The following USP5 variants were observed in gnomAD, a reference collection of about 807,000 sequenced individuals.
USP5 encodes the protein ubiquitin carboxyl-terminal hydrolase 5.
Under a neutral mutation model 102.5 loss-of-function variants are expected in USP5, and 24 were observed. The observed-to-expected ratio is 0.23, with a 90% CI of 0.17 to 0.33. The LOEUF is 0.33. Among genes scored for constraint, USP5 ranks in the 10% least tolerant of loss-of-function variants. The probability of loss-of-function intolerance (pLI) is 1.00; values close to 1 mark genes in which losing one functional copy is unlikely to be tolerated. For missense variants in USP5, 753 were observed against 1,122.1 expected, an observed-to-expected ratio of 0.67 and a Z score of 4.70; for synonymous variants, 460 against 434.8, an observed-to-expected ratio of 1.06 and a Z score of -0.72.
chr12:6,854,619 A>G (rs1407823093), intron 1 of USP5, among the ~76,000 whole-genome samples: 1 of 151,070 alleles, frequency 6.6e-6, no homozygotes. Context: ...AAATCTAGGC[A>G]TGGTGGCATG....
intron 9 of USP5, 112 bp downstream of exon 9, chr12:6,859,653 T>C: frequency 9.3e-7 from 1 of 1,069,614 alleles, no homozygotes; most frequent in Admixed American, 1.9e-5. Context: ...TTTTTTTGTT[T>C]TGTTTTGTTT....
Position 6,861,568 on chromosome 12 carries a change from G to T in USP5, c.1624G>T (p.Val542Phe). The change falls in exon 13 of 20, where the codon GTC (valine) becomes TTC (phenylalanine). Residue 542 changes from valine to phenylalanine, a missense_variant. Physicochemically the swap from Val to Phe is conservative, Grantham distance 50 (BLOSUM62 -1). Around this residue, in one of 3 missense-constraint regions of USP5, gnomAD observed 527 missense variants for 816.5 expected, o/e 0.65. Coordinates refer to ENST00000229268, the MANE Select transcript of USP5 (RefSeq NM_001098536.2). This position sits in a 1 kb window ranked among gnomAD's most constrained non-coding sequence, Gnocchi z 4.9. Reference protein sequence around the residue: ...CLEAYGAPEQVDDFWSTALQA... With the variant: ...CLEAYGAPEQFDDFWSTALQA... ...GGAGGCCTACGGGGCCCCTGAGCAG[G>T]TCGATGACTTCTGGAGCACGGCCCT... is the stretch of plus-strand genomic sequence containing the variant. The T allele has an allele frequency of 1.3e-6, 2 of 1,597,082 alleles. No homozygotes were observed. Among genetic ancestry groups the T allele is most frequent in the Non-Finnish European group, 1.7e-6 (2 of 1,167,382 alleles).
rs782097739 is a variant in USP5, at chr12:6,856,163, C to A, written c.438+13C>A. 3.1e-6 allele frequency: 5 copies of A among 1,613,760 alleles called. No homozygotes were observed. Among genetic ancestry groups the A allele is most frequent in the Admixed American group, 1.7e-5 (1 of 59,982 alleles). ...TGTCAGAGATCGGGTATGACTGCCC[C>A]CTATGCTACCCAAGATTCTAGAGCA... On this transcript the variant is annotated intron_variant, in intron 4 of 19. Coordinates refer to ENST00000229268, the MANE Select transcript of USP5 (RefSeq NM_001098536.2). This position sits in a 1 kb window ranked among gnomAD's most constrained non-coding sequence, Gnocchi z 5.6.
At chr12:6,862,246 T>C (rs1944299853) in intron 13 of USP5, among the ~76,000 whole-genome samples, 1 of 152,122 alleles carries the variant, frequency 6.6e-6, no homozygotes, top group African/African-American at 2.4e-5. Context: ...ATGCCTGGGC[T>C]TTTTTCTTTT....
chr12:6,856,906 C>T lies in USP5; in HGVS notation c.769+15C>T, dbSNP rs188377905. ...TGATGGAGCTGGTACAGCCTCCCCT[C>T]CTCCAGCCACTCTCATGCTTAAATA... On this transcript the variant is annotated intron_variant, in intron 6 of 19. Transcript: ENST00000229268. This position sits in a 1 kb window ranked among gnomAD's most constrained non-coding sequence, Gnocchi z 5.6. The T allele has an allele frequency of 3.3e-4, 532 of 1,609,854 alleles. 3 individuals carry two copies. Among genetic ancestry groups the T allele is most frequent in the Middle Eastern group, 1.8e-3 (11 of 6,044 alleles).
In USP5 at chr12:6,861,312, A is replaced by G; in HGVS notation, c.1499-131A>G. On this transcript the variant is annotated intron_variant, in intron 12 of 19. Transcript: ENST00000229268. The surrounding 1 kb of genome is among the most constrained non-coding windows in gnomAD (Gnocchi z 4.9). Reference sequence around the variant, plus strand: ...AGCTGCATGGAAACAGGCGAGATATATTGGACATGTGTCAGGGGTGCTTTG... The same window carrying G: ...AGCTGCATGGAAACAGGCGAGATATGTTGGACATGTGTCAGGGGTGCTTTG... The G allele has an allele frequency of 1.5e-6, 2 of 1,297,306 alleles. No individual in the cohort carries two copies. Among genetic ancestry groups the G allele is most frequent in the Non-Finnish European group, 2.1e-6 (2 of 946,524 alleles). 80.4% of individuals were successfully genotyped at this position (1,297,306 alleles called of 1,614,324 possible).
chr12:6,859,212 G>A (rs941560486), intron 8 of USP5, among the ~76,000 whole-genome samples: 1 of 152,206 alleles, frequency 6.6e-6, no homozygotes. Flanking sequence ...CCAATAGAAC[G>A]TGAACTGCAC....
intron 19 of USP5, 130 bp from the exon 20 acceptor site, chr12:6,865,854 C>A: frequency 1.3e-6 from 1 of 764,092 alleles, no homozygotes; most frequent in Non-Finnish European, 2.2e-6. Flanking sequence ...CACATGGTGG[C>A]TGGGCTGTGG....
chr12:6,863,200 A>G lies in USP5; in HGVS notation c.1777A>G (p.Met593Val). Residue 593 changes from methionine to valine, a missense_variant, in exon 15 of 20, where the codon ATG becomes GTG. By Grantham distance (21) the Met-to-Val change is conservative. Transcript: ENST00000229268. The surrounding 1 kb of genome is among the most constrained non-coding windows in gnomAD (Gnocchi z 4.7). ...VPKKLDVSIEMPEELDISQLR... is the reference protein window; with the variant it reads ...VPKKLDVSIEVPEELDISQLR... ...TTTTCCCACAGATGTGTCCATCGAG[A>G]TGCCAGAGGAGCTCGACATCTCCCA... 6.2e-7 allele frequency: 1 copy of G among 1,612,056 alleles called. No homozygotes were observed.
At position 6,866,090 on chromosome 12, in the gene USP5, C is replaced by A. The variant is rs782816823; in HGVS notation, c.*13C>A. 5.6e-6 allele frequency: 9 copies of A among 1,613,212 alleles called. No homozygotes were observed. In the East Asian group the frequency reaches 2.0e-4, roughly 36 times the overall value. ...AGTGGCCAGCTAAGAGCCTGCCTCA[C>A]CCCTTACCAATGAGGGCAGGGGAAG... On this transcript the variant is annotated 3_prime_UTR_variant, in exon 20 of 20. Transcript: ENST00000229268. The surrounding 1 kb of genome is among the most constrained non-coding windows in gnomAD (Gnocchi z 4.7).
At chr12:6,857,586 CCTGAGCCA>C in intron 6 of USP5, 35 bp from the exon 7 acceptor site, 1 of 1,573,340 alleles carries the variant, frequency 6.4e-7, no homozygotes, top group Non-Finnish European at 8.7e-7. Context: ...CCTGGCTAGT[CCTGAGCCA>C]CTTCCCCTGA....
Position 6,861,347 on chromosome 12 carries a change from A to G in USP5, c.1499-96A>G. The G allele has an allele frequency of 7.0e-7, 1 of 1,423,804 alleles. No individual in the cohort carries two copies. The highest frequency in any genetic ancestry group is 9.5e-7 in the Non-Finnish European group (1 of 1,053,300). 88.2% of individuals were successfully genotyped at this position (1,423,804 alleles called of 1,614,324 possible). On this transcript the variant is annotated intron_variant, in intron 12 of 19. Coordinates refer to ENST00000229268, the MANE Select transcript of USP5 (RefSeq NM_001098536.2). The surrounding 1 kb of genome is among the most constrained non-coding windows in gnomAD (Gnocchi z 4.9). The stretch of plus-strand genomic sequence containing the variant: ...TGTCAGGGGTGCTTTGGAAGGGTAG[A>G]GGAACTGAAATACGGACACAGAGCC...
chr12:6,854,591 TAAA>T (rs782820849), intron 1 of USP5, among the ~76,000 whole-genome samples: 6 of 118,438 alleles, frequency 5.1e-5, no homozygotes, highest in Admixed American at 8.7e-5. Context: ...ACCCCACCTC[TAAA>T]AAAAAAAAAA....
In USP5 at chr12:6,857,470, A is replaced by G. The variant is rs868937950; in HGVS notation, c.770-159A>G. 124 of 595,500 alleles carry G rather than the reference A, an allele frequency of 2.1e-4. No homozygotes were observed. In the Middle Eastern group the frequency reaches 3.2e-3, roughly 15 times the overall value. 36.9% of individuals were successfully genotyped at this position (595,500 alleles called of 1,614,324 possible). A position where few individuals can be genotyped will look rare whatever the true frequency, so the allele number is the denominator to read the frequency against. ...CCTGACCGTCAGCCCCAGAAGGGCC[A>G]TGACCGCACTCATATTACTCATATT... is the stretch of plus-strand genomic sequence containing the variant. On this transcript the variant is annotated intron_variant, in intron 6 of 19. Transcript: ENST00000229268.
chr12:6,856,969 T>TA lies in USP5; in HGVS notation c.769+79dup, dbSNP rs1314368117. 19 of 1,506,630 alleles carry TA rather than the reference T, an allele frequency of 1.3e-5. No individual in the cohort carries two copies. In the African/African-American group the frequency reaches 2.4e-4, roughly 19 times the overall value. The allele number at this position is 1,506,630 out of a possible 1,614,324, so 93.3% of individuals were successfully genotyped here. Reference sequence around the variant, plus strand: ...TAGTAATTTCGTGTGACATGTATAATACATGAATGCATTATCTTGATAAGA... The same window carrying TA: ...TAGTAATTTCGTGTGACATGTATAATAACATGAATGCATTATCTTGATAAGA... On this transcript the variant is annotated intron_variant, in intron 6 of 19. Transcript: ENST00000229268. The surrounding 1 kb of genome is among the most constrained non-coding windows in gnomAD (Gnocchi z 5.6).
rs1432508674 is a variant in USP5, at chr12:6,863,705, G to A, written c.1955-125G>A. On this transcript the variant is annotated intron_variant, in intron 15 of 19. Transcript: ENST00000229268. This position sits in a 1 kb window ranked among gnomAD's most constrained non-coding sequence, Gnocchi z 4.7. Reference sequence around the variant, plus strand: ...GTGGTCATTTTGGTTTTGGGATAAGGTGCCAATCCATGGGAGAAAAATGCA... The same window carrying A: ...GTGGTCATTTTGGTTTTGGGATAAGATGCCAATCCATGGGAGAAAAATGCA... 6 of 1,377,362 alleles carry A rather than the reference G, an allele frequency of 4.4e-6. No individual in the cohort carries two copies. Among genetic ancestry groups the A allele is most frequent in the Non-Finnish European group, 4.9e-6 (5 of 1,028,184 alleles). 85.3% of individuals were successfully genotyped at this position (1,377,362 alleles called of 1,614,324 possible). A position where few individuals can be genotyped will look rare whatever the true frequency, so the allele number is the denominator to read the frequency against.
chr12:6,866,161 C>T lies in USP5; in HGVS notation c.*84C>T, dbSNP rs782721953. On this transcript the variant is annotated 3_prime_UTR_variant, in exon 20 of 20. Coordinates refer to ENST00000229268, the MANE Select transcript of USP5 (RefSeq NM_001098536.2). The surrounding 1 kb of genome is among the most constrained non-coding windows in gnomAD (Gnocchi z 4.7). ...GGGGCTGAGGGATGGACTTCAGCCC[C>T]TCTGCTCTGTACCCTTTTTCCTTTT... 1 of 1,274,024 alleles carries T rather than the reference C, an allele frequency of 7.8e-7. No homozygotes were observed. Among genetic ancestry groups the T allele is most frequent in the Non-Finnish European group, 1.1e-6 (1 of 882,686 alleles). 78.9% of individuals were successfully genotyped at this position (1,274,024 alleles called of 1,614,324 possible). A position where few individuals can be genotyped will look rare whatever the true frequency, so the allele number is the denominator to read the frequency against.
chr12:6,861,152 G>A lies in USP5; in HGVS notation c.1498+46G>A. 1 of 1,604,804 alleles carries A rather than the reference G, an allele frequency of 6.2e-7. No individual in the cohort carries two copies. The highest frequency in any genetic ancestry group is 1.3e-5 in the African/African-American group (1 of 74,710). ...GGCCGTGGCACGGTGGGAGGCTAAG[G>A]TCTAGGAGGAATGCTTGGGCACCTC... On this transcript the variant is annotated intron_variant, in intron 12 of 19. Coordinates refer to ENST00000229268, the MANE Select transcript of USP5 (RefSeq NM_001098536.2). This position sits in a 1 kb window ranked among gnomAD's most constrained non-coding sequence, Gnocchi z 4.9.
At position 6,864,175 on chromosome 12, in the gene USP5, T is replaced by C. The variant is rs150459329; in HGVS notation, c.2224T>C (p.Leu742=). ...CATGGGCTTCTCCCGGGACCAGGCC[T>C]TGAAAGCGCTGCGGGCCACGGTATG... The part of the protein sequence containing the change: ...VSMGFSRDQA[L]KALRATNNSL... Residue 742 remains leucine (L), a synonymous_variant, in exon 17 of 20, where the codon TTG becomes CTG. Coordinates refer to ENST00000229268, the MANE Select transcript of USP5 (RefSeq NM_001098536.2). The surrounding 1 kb of genome is among the most constrained non-coding windows in gnomAD (Gnocchi z 4.8). 4,447 of 1,611,224 alleles carry C rather than the reference T, an allele frequency of 2.8e-3. 11 individuals are homozygous for C. Among genetic ancestry groups the C allele is most frequent in the Non-Finnish European group, 3.5e-3 (4,145 of 1,178,406 alleles).
Sources: gnomAD v4.1 joint callset for allele counts (sites outside exome capture counted in the v4.1 genomes callset) on GRCh38, gnomAD v4.1.1 for gene constraint, gnomAD v4.1.1 regional missense constraint, Gnocchi (gnomAD v3.1) non-coding constraint, MANE v1.5 for transcripts, NCBI Gene and HGNC (gene_info 2026-07-23, HGNC 2026-07-21) for gene names.